CAMSAP1: variants seen among roughly 807,000 people sequenced by gnomAD.
CAMSAP1 encodes the protein calmodulin regulated spectrin associated protein 1.
A neutral mutation model predicts 143.5 loss-of-function variants in CAMSAP1; 58 were observed. The ratio of observed to expected loss-of-function variants is 0.40; its 90% CI spans 0.33 to 0.50. CAMSAP1 has a LOEUF of 0.50. Among genes scored for constraint, CAMSAP1 ranks in the 20% least tolerant of loss-of-function variants. The pLI is 0.45. For missense variants in CAMSAP1, 1,969 were observed against 2,115.7 expected, an observed-to-expected ratio of 0.93 and a Z score of 1.36; for synonymous variants, 945 against 859.3, an observed-to-expected ratio of 1.10 and a Z score of -1.74.
intron 4 of CAMSAP1, 72 bp downstream of exon 4, chr9:135,866,384 C>A: frequency 1.3e-6 from 1 of 782,406 alleles, no homozygotes; most frequent in Non-Finnish European, 2.2e-6. Flanking sequence ...ATAGTGGGAA[C>A]TAACAGAATT....
chr9:135,813,794 C>G (rs1488637069), intron 16 of CAMSAP1, among the ~76,000 whole-genome samples: 1 of 152,240 alleles, frequency 6.6e-6, no homozygotes, highest in Non-Finnish European at 1.5e-5. Flanking sequence ...GTCAGGCACA[C>G]TGCTGCACAC....
intron 7 of CAMSAP1, among the ~76,000 whole-genome samples, chr9:135,840,475 C>A (rs1836301696): frequency 6.6e-6 from 1 of 152,164 alleles, no homozygotes; most frequent in Admixed American, 6.5e-5. Context: ...GCCTTTCCCA[C>A]CAGGCAGAAC....
chr9:135,821,329 T>C lies in CAMSAP1; in HGVS notation c.3332A>G (p.Lys1111Arg). ...SGRPAELKVP[K>R]DRPQGSSRSK... is the part of the protein sequence containing the mutation. ...TCGGGAGGAGCCCTGTGGCCTGTCTTTTGGGACCTTCAGCTCCGCCGGCCT... is the reference window on the plus strand; with the variant it reads ...TCGGGAGGAGCCCTGTGGCCTGTCTCTTGGGACCTTCAGCTCCGCCGGCCT... Residue 1111 changes from lysine to arginine, a missense_variant, in exon 11 of 17, where the codon AAA (lysine) becomes AGA (arginine). By Grantham distance (26) the Lys-to-Arg change is conservative. Transcript: ENST00000389532. The surrounding 1 kb of genome is among the most constrained non-coding windows in gnomAD (Gnocchi z 4.6). The C allele has an allele frequency of 6.2e-7, 1 of 1,613,504 alleles. No homozygotes were observed.
intron 5 of CAMSAP1, among the ~76,000 whole-genome samples, chr9:135,853,683 AGGGAGTGGGCACTGCAGTGCAG>A (rs908503803): frequency 1.3e-5 from 2 of 152,220 alleles, no homozygotes; most frequent in Non-Finnish European, 2.9e-5. Flanking sequence ...GAATGCTCAT[AGGGAGTGGGCACTGCAGTGCAG>A]GGCAGGGGCA....
chr9:135,821,589 G>T lies in CAMSAP1; in HGVS notation c.3072C>A (p.Ile1024=). Residue 1024 remains isoleucine, a synonymous_variant, in exon 11 of 17, where the codon ATC becomes ATA. Transcript: ENST00000389532. The surrounding 1 kb of genome is among the most constrained non-coding windows in gnomAD (Gnocchi z 4.6). ...TACTGATGGTTTCGTTAAGCTTCTC[G>T]ATGGAAAGGTCACATTCATTCACGT... ...VVDVNECDLS[I]EKLNETISTL... 6.2e-7 allele frequency: 1 copy of T among 1,613,984 alleles called. No individual in the cohort carries two copies. Among genetic ancestry groups the T allele is most frequent in the Non-Finnish European group, 8.5e-7 (1 of 1,179,886 alleles).
intron 5 of CAMSAP1, among the ~76,000 whole-genome samples, chr9:135,855,696 A>C (rs1318965029): frequency 1.4e-5 from 2 of 147,034 alleles, no homozygotes; most frequent in African/African-American, 5.1e-5. Context: ...GTGAGCAGAG[A>C]TCGGGCCACT....
At chr9:135,823,399 G>T in intron 10 of CAMSAP1, 139 bp from the exon 11 acceptor site, 3 of 969,088 alleles carry the variant, frequency 3.1e-6, no homozygotes, top group South Asian at 2.3e-5. Flanking sequence ...CTCTTCCACA[G>T]AGCAGAAGAA....
rs1834972231 is a variant in CAMSAP1 at position 135,809,682 on chromosome 9, G to C, written c.*1627C>G. On this transcript the variant is annotated 3_prime_UTR_variant, in exon 17 of 17. Transcript: ENST00000389532. ...ACAGTGAGAAATAAAGCCCACGTGT[G>C]AAAGTATGGTAACAGAAAGCTCACT... 6.6e-6 allele frequency: 1 copy of C among 152,652 alleles called. No homozygotes were observed. The highest frequency in any genetic ancestry group is 2.1e-4 in the South Asian group (1 of 4,828). 9.5% of individuals were successfully genotyped at this position (152,652 alleles called of 1,614,324 possible).
chr9:135,886,914 C>T (rs1034611309), intron 1 of CAMSAP1, among the ~76,000 whole-genome samples: 1 of 152,208 alleles, frequency 6.6e-6, no homozygotes, highest in African/African-American at 2.4e-5. Flanking sequence ...TGGAGCAGGA[C>T]GGTCCCTTTT....
At chr9:135,823,765 A>T (rs1475478462) in intron 10 of CAMSAP1, among the ~76,000 whole-genome samples, 185 bp downstream of exon 10, 2 of 151,908 alleles carry the variant, frequency 1.3e-5, no homozygotes, top group East Asian at 3.9e-4. Flanking sequence ...CCCACGGCAC[A>T]CTCGCAAGAG....
chr9:135,843,194 G>C (rs912152812), intron 7 of CAMSAP1, among the ~76,000 whole-genome samples: 8 of 152,112 alleles, frequency 5.3e-5, no homozygotes, highest in African/African-American at 1.7e-4. Context: ...AGGTGTGGTG[G>C]CACAGGCCTG....
Position 135,822,240 on chromosome 9 carries a change from C to T in CAMSAP1, c.2421G>A (p.Met807Ile), listed in dbSNP as rs745437985. 2 of 1,614,020 alleles carry T rather than the reference C, an allele frequency of 1.2e-6. No individual in the cohort carries two copies. The highest frequency in any genetic ancestry group is 1.7e-6 in the Non-Finnish European group (2 of 1,179,906). ...STASQMSSVS[M>I]ASGSVKMTSF... Reference sequence around the variant, plus strand: ...TGGTCATCTTCACGCTCCCACTCGCCATGGAGACACTGCTCATCTGAGAGG... The same window carrying T: ...TGGTCATCTTCACGCTCCCACTCGCTATGGAGACACTGCTCATCTGAGAGG... Residue 807 changes from methionine (M) to isoleucine (I), a missense_variant, in exon 11 of 17, where the codon ATG (methionine) becomes ATA (isoleucine). Coordinates refer to ENST00000389532, the MANE Select transcript of CAMSAP1 (RefSeq NM_015447.4). The surrounding 1 kb of genome is among the most constrained non-coding windows in gnomAD (Gnocchi z 6.1).
chr9:135,821,965 ATCT>A lies in CAMSAP1; in HGVS notation c.2693_2695del (p.Lys898del), dbSNP rs1479868042. Reference sequence around the variant, plus strand: ...GCGCTGCCTTGCCGACAGCGCCTCCATCTTCTTCTTCTGGGCCTCGATGGCCCT... The same window carrying A: ...GCGCTGCCTTGCCGACAGCGCCTCCATCTTCTTCTGGGCCTCGATGGCCCT... On this transcript the variant is annotated inframe_deletion, in exon 11 of 17. Transcript: ENST00000389532. This position sits in a 1 kb window ranked among gnomAD's most constrained non-coding sequence, Gnocchi z 4.6. 6.2e-7 allele frequency: 1 copy of A among 1,612,546 alleles called. No homozygotes were observed. The highest frequency in any genetic ancestry group is 8.5e-7 in the Non-Finnish European group (1 of 1,179,496).
Position 135,821,734 on chromosome 9 carries a change from T to C in CAMSAP1, c.2927A>G (p.Lys976Arg), listed in dbSNP as rs764863652. 2 of 1,614,000 alleles carry C rather than the reference T, an allele frequency of 1.2e-6. No homozygotes were observed. The highest frequency in any genetic ancestry group is 2.2e-5 in the East Asian group (1 of 44,872). ...ELLHEPQDVD[K>R]ESLAFAQQHK... The stretch of plus-strand genomic sequence containing the variant: ...TTGCTGAGCAAAGGCCAGGCTCTCT[T>C]TGTCCACATCCTGTGGCTCGTGAAG... The change falls in exon 11 of 17, where the codon AAA (lysine) becomes AGA (arginine). Residue 976 changes from lysine (K) to arginine (R), a missense_variant. Physicochemically the swap from Lys to Arg is conservative, Grantham distance 26. Transcript: ENST00000389532. This position sits in a 1 kb window ranked among gnomAD's most constrained non-coding sequence, Gnocchi z 4.6.
chr9:135,862,507 A>C lies in CAMSAP1; in HGVS notation c.768T>G (p.Ala256=). The stretch of plus-strand genomic sequence containing the variant: ...GCTCTGGGCAATAATAGTGAATCAC[A>C]GCTAAGAGAGCAGCACCATCACTGC... ...RDGSDGAALL[A]VIHYYCPEQM... The change falls in exon 5 of 17, where the codon GCT becomes GCG. Residue 256 remains alanine, a synonymous_variant. Coordinates refer to ENST00000389532, the MANE Select transcript of CAMSAP1 (RefSeq NM_015447.4). 6.4e-7 allele frequency: 1 copy of C among 1,551,674 alleles called. No homozygotes were observed. Among genetic ancestry groups the C allele is most frequent in the East Asian group, 2.4e-5 (1 of 40,918 alleles).
chr9:135,872,331 A>C (rs997613134), intron 3 of CAMSAP1, among the ~76,000 whole-genome samples: 1 of 152,216 alleles, frequency 6.6e-6, no homozygotes, highest in Non-Finnish European at 1.5e-5. Context: ...CTATTTGTGC[A>C]ATGGCATCAC....
chr9:135,815,367 A>C (rs528387448), intron 15 of CAMSAP1, among the ~76,000 whole-genome samples, 152 bp from the exon 16 acceptor site: 2 of 152,374 alleles, frequency 1.3e-5, no homozygotes, highest in African/African-American at 4.8e-5. Flanking sequence ...AAACCACTTA[A>C]ATTTATTCAA....
At position 135,821,372 on chromosome 9, in the gene CAMSAP1, G is replaced by A. The variant is rs751395968; in HGVS notation, c.3289C>T (p.Arg1097Trp). The change falls in exon 11 of 17, where the codon CGG (arginine) becomes TGG (tryptophan). Residue 1097 changes from arginine to tryptophan, a missense_variant. Coordinates refer to ENST00000389532, the MANE Select transcript of CAMSAP1 (RefSeq NM_015447.4). This position sits in a 1 kb window ranked among gnomAD's most constrained non-coding sequence, Gnocchi z 4.6. Reference protein sequence around the residue: ...HRKAPRLGQGRNSRSGRPAEL... With the variant: ...HRKAPRLGQGWNSRSGRPAEL... ...GCCGGCCTTCCGGAACGGGAATTCC[G>A]GCCTTGACCCAGCCGGGGGGCTTTG... 7 of 1,613,638 alleles carry A rather than the reference G, an allele frequency of 4.3e-6. No individual in the cohort carries two copies. The highest frequency in any genetic ancestry group is 2.2e-5 in the East Asian group (1 of 44,876).
chr9:135,870,569 G>A (rs1252195835), intron 3 of CAMSAP1, among the ~76,000 whole-genome samples: 1 of 152,134 alleles, frequency 6.6e-6, no homozygotes, highest in Non-Finnish European at 1.5e-5. Context: ...CGAGGCAGAT[G>A]GATCACTTGA....
Sources: gnomAD v4.1 joint callset for allele counts (sites outside exome capture counted in the v4.1 genomes callset) on GRCh38, gnomAD v4.1.1 for gene constraint, Gnocchi (gnomAD v3.1) non-coding constraint, MANE v1.5 for transcripts, NCBI Gene and HGNC (gene_info 2026-07-23, HGNC 2026-07-21) for gene names.